DSG1: variants seen among roughly 807,000 people sequenced by gnomAD.
The protein encoded by DSG1 is desmoglein 1.
DSG1 carries 39 observed loss-of-function variants against 97.5 expected under a neutral mutation model. The ratio of observed to expected loss-of-function variants is 0.40; its 90% CI spans 0.31 to 0.52. The LOEUF is 0.52. Among genes scored for constraint, DSG1 ranks in the 20% least tolerant of loss-of-function variants. The probability of loss-of-function intolerance (pLI) is 0.53; values close to 1 mark genes in which losing one functional copy is unlikely to be tolerated. For missense variants in DSG1, 1,311 were observed against 1,295.4 expected, an observed-to-expected ratio of 1.01 and a Z score of -0.18; for synonymous variants, 475 against 443.4, an observed-to-expected ratio of 1.07 and a Z score of -0.90.
chr18:31,352,887 G>A (rs1483995944), intron 14 of DSG1, among the ~76,000 whole-genome samples: 1 of 113,002 alleles, frequency 8.8e-6, no homozygotes, highest in Non-Finnish European at 1.8e-5. Flanking sequence ...TTTTTTCAAA[G>A]TTTTCAACTT....
chr18:31,325,754 C>A (rs2071681725), intron 1 of DSG1, among the ~76,000 whole-genome samples: 1 of 152,046 alleles, frequency 6.6e-6, no homozygotes, highest in South Asian at 2.1e-4. Flanking sequence ...TAGTAATTTA[C>A]TTGAGGGAAT....
Position 31,333,730 on chromosome 18 carries a change from A to T in DSG1, c.819+7A>T. On this transcript the variant is annotated splice_region_variant and intron_variant, in intron 7 of 14. Transcript: ENST00000257192. ...TTACATGGAACAGTCTTCAGTAAGT[A>T]TTTGTTCTTGGAATTAATAAATCTA... 1 of 1,613,412 alleles carries T rather than the reference A, an allele frequency of 6.2e-7. No individual in the cohort carries two copies.
chr18:31,318,963 T>A (rs1376971315), intron 1 of DSG1, among the ~76,000 whole-genome samples: 1 of 152,202 alleles, frequency 6.6e-6, no homozygotes, highest in East Asian at 1.9e-4. Flanking sequence ...AGGAGGTTTA[T>A]AAATGACATA....
At chr18:31,349,353 G>A (rs1253063288) in intron 14 of DSG1, among the ~76,000 whole-genome samples, 8 of 148,204 alleles carry the variant, frequency 5.4e-5, no homozygotes, top group African/African-American at 1.8e-4. Context: ...GTACCATGCT[G>A]TTTTGGTTAC....
chr18:31,337,005 AATTAT>A (rs1199442485), intron 9 of DSG1, among the ~76,000 whole-genome samples: 1 of 152,222 alleles, frequency 6.6e-6, no homozygotes, highest in East Asian at 1.9e-4. Flanking sequence ...AGCTCATTTC[AATTAT>A]ATTCTTCACT....
At chr18:31,321,712 T>C (rs1447661222) in intron 1 of DSG1, among the ~76,000 whole-genome samples, 1 of 152,216 alleles carries the variant, frequency 6.6e-6, no homozygotes, top group South Asian at 2.1e-4. Flanking sequence ...AAGAATGCTG[T>C]CTTAAATCTG....
At chr18:31,333,744 T>G in intron 7 of DSG1, 21 bp downstream of exon 7, 18 of 1,611,150 alleles carry the variant, frequency 1.1e-5, no homozygotes, top group Non-Finnish European at 1.4e-5. Context: ...GTTCTTGGAA[T>G]TAATAAATCT....
chr18:31,343,445 A>G lies in DSG1; in HGVS notation c.1688-5A>G. 1 of 1,613,998 alleles carries G rather than the reference A, an allele frequency of 6.2e-7. No homozygotes were observed. The highest frequency in any genetic ancestry group is 8.5e-7 in the Non-Finnish European group (1 of 1,179,990). ...ACTCTAGTATTACTATCCCTCCACC[A>G]CCAGTGGTCCCATTTTTGATGATCT... On this transcript the variant is annotated splice_region_variant and splice_polypyrimidine_tract_variant and intron_variant, in intron 11 of 14. Transcript: ENST00000257192.
chr18:31,338,772 G>T (rs1030311098), intron 10 of DSG1, among the ~76,000 whole-genome samples: 4 of 152,146 alleles, frequency 2.6e-5, no homozygotes, highest in African/African-American at 7.2e-5. Flanking sequence ...AGAAGGATGT[G>T]ATGATAATGA....
chr18:31,355,537 C>T lies in DSG1; in HGVS notation c.*191C>T. On this transcript the variant is annotated 3_prime_UTR_variant, in exon 15 of 15. Transcript: ENST00000257192. Reference sequence around the variant, plus strand: ...GAGAGCTCTCCTTAGCATTCATAAACTTTTCTCTTATATTAGGACTAAGGA... The same window carrying T: ...GAGAGCTCTCCTTAGCATTCATAAATTTTTCTCTTATATTAGGACTAAGGA... The T allele has an allele frequency of 1.6e-6, 1 of 644,822 alleles. No individual in the cohort carries two copies. The highest frequency in any genetic ancestry group is 2.7e-6 in the Non-Finnish European group (1 of 373,390). The allele number at this position is 644,822 out of a possible 1,614,324, so 39.9% of individuals were successfully genotyped here.
chr18:31,329,777 G>A, intron 4 of DSG1, 115 bp from the exon 5 acceptor site: 1 of 1,346,170 alleles, frequency 7.4e-7, no homozygotes, highest in Non-Finnish European at 1.1e-6. Context: ...TTGTGCCTAT[G>A]TTCTAAGTAG....
At chr18:31,336,255 G>A (rs2071751182) in intron 8 of DSG1, 99 bp from the exon 9 acceptor site, 2 of 1,036,546 alleles carry the variant, frequency 1.9e-6, no homozygotes, top group South Asian at 1.6e-5. Context: ...TTTCATAAAA[G>A]AAAGATAATA....
chr18:31,347,833 A>G (rs1019387530), intron 14 of DSG1: 1 of 152,202 alleles, frequency 6.6e-6, no homozygotes, highest in African/African-American at 2.4e-5. Context: ...GAAGGAAAGA[A>G]ACAAAATCCT....
intron 14 of DSG1, 93 bp from the exon 15 acceptor site, chr18:31,354,204 A>G (rs2071929881): frequency 9.1e-7 from 1 of 1,093,520 alleles, no homozygotes. Flanking sequence ...CCTCTTTGGA[A>G]ATGCTCTGGA....
intron 6 of DSG1, 81 bp downstream of exon 6, chr18:31,331,948 G>A (rs2071723938): frequency 7.3e-7 from 1 of 1,366,684 alleles, no homozygotes; most frequent in Non-Finnish European, 1.0e-6. Context: ...ACAAAGAGAT[G>A]AAGAAAATGA....
In DSG1 at chr18:31,343,442, A is replaced by G; in HGVS notation, c.1688-8A>G. 3 of 1,614,018 alleles carry G rather than the reference A, an allele frequency of 1.9e-6. No homozygotes were observed. Among genetic ancestry groups the G allele is most frequent in the Non-Finnish European group, 2.5e-6 (3 of 1,179,992 alleles). ...CTAACTCTAGTATTACTATCCCTCCACCACCAGTGGTCCCATTTTTGATGA... is the reference window on the plus strand; with the variant it reads ...CTAACTCTAGTATTACTATCCCTCCGCCACCAGTGGTCCCATTTTTGATGA... On this transcript the variant is annotated splice_region_variant and splice_polypyrimidine_tract_variant and intron_variant, in intron 11 of 14. Transcript: ENST00000257192.
At chr18:31,345,134 C>A (rs1020473851) in intron 13 of DSG1, among the ~76,000 whole-genome samples, 19 of 152,056 alleles carry the variant, frequency 1.2e-4, no homozygotes, top group African/African-American at 4.3e-4. Flanking sequence ...CACATTTGTT[C>A]CCATTAAATC....
At chr18:31,323,505 T>C (rs2071666390) in intron 1 of DSG1, among the ~76,000 whole-genome samples, 1 of 152,212 alleles carries the variant, frequency 6.6e-6, no homozygotes, top group Admixed American at 6.5e-5. Context: ...TCCTTTCTTT[T>C]TCTGCCCATT....
At chr18:31,338,282 A>G (rs765515549) in intron 9 of DSG1, 33 bp from the exon 10 acceptor site, 1 of 1,607,796 alleles carries the variant, frequency 6.2e-7, no homozygotes, top group South Asian at 1.1e-5. Context: ...TAGATAGCTG[A>G]CATTAATTTG....
Sources: gnomAD v4.1 joint callset for allele counts (sites outside exome capture counted in the v4.1 genomes callset) on GRCh38, gnomAD v4.1.1 for gene constraint, MANE v1.5 for transcripts, NCBI Gene and HGNC (gene_info 2026-07-23, HGNC 2026-07-21) for gene names.